DHRS7B: variants seen among roughly 807,000 people sequenced by gnomAD.
The protein encoded by DHRS7B is peroxisomal reductase activating PPAR-gamma.
DHRS7B carries 24 observed loss-of-function variants against 26.4 expected under a neutral mutation model. The ratio of observed to expected loss-of-function variants is 0.91; its 90% CI spans 0.66 to 1.28. DHRS7B has a LOEUF of 1.28. Ranked by LOEUF, DHRS7B falls within the 50% of genes most tolerant of loss-of-function variation. The pLI is 0.00. For synonymous variants in DHRS7B, 142 were observed against 166.4 expected, an observed-to-expected ratio of 0.85 and a Z score of 1.13; for missense variants, 368 against 419.4, an observed-to-expected ratio of 0.88 and a Z score of 1.07.
At chr17:21,184,884 A>C (rs1170726232) in intron 5 of DHRS7B, among the ~76,000 whole-genome samples, 4 of 152,192 alleles carry the variant, frequency 2.6e-5, no homozygotes, top group Admixed American at 2.6e-4. Flanking sequence ...TTCTACGTAT[A>C]ATTCAAACAT....
In DHRS7B at chr17:21,171,057, C is replaced by G. The variant is rs570837679; in HGVS notation, c.21-961C>G. On this transcript the variant is annotated intron_variant, in intron 1 of 6. Coordinates refer to ENST00000395511, the MANE Select transcript of DHRS7B (RefSeq NM_015510.5). ...GCCCTGGAGGTGGACTCGGGGGGGG[C>G]CTTTTGTCTCATAGACTCTGGCTCG... 6.7e-3 allele frequency among the ~76,000 whole-genome samples: 1,012 copies of G among 152,014 alleles called. 7 individuals are homozygous for G. Among genetic ancestry groups the G allele is most frequent in the South Asian group, 0.028 (132 of 4,788 alleles).
At chr17:21,130,291 G>T (rs1231763670) in intron 1 of DHRS7B, among the ~76,000 whole-genome samples, 1 of 152,146 alleles carries the variant, frequency 6.6e-6, no homozygotes, top group African/African-American at 2.4e-5. Context: ...TCAGGAGGCT[G>T]AGGCAGGAGA....
intron 1 of DHRS7B, among the ~76,000 whole-genome samples, chr17:21,137,285 T>C (rs146802898): frequency 1.5e-4 from 23 of 149,524 alleles, no homozygotes; most frequent in Non-Finnish European, 3.0e-4. Flanking sequence ...TGCCCATTTT[T>C]CTTTTTTGTC....
intron 5 of DHRS7B, among the ~76,000 whole-genome samples, 167 bp downstream of exon 5, chr17:21,184,630 C>G (rs1974590847): frequency 6.6e-6 from 1 of 152,194 alleles, no homozygotes; most frequent in African/African-American, 2.4e-5. Flanking sequence ...GATCAAATCC[C>G]AGCTCTACTT....
At chr17:21,141,640 A>AAAAAAAACAAAAAAG in intron 1 of DHRS7B, among the ~76,000 whole-genome samples, 1 of 90,078 alleles carries the variant, frequency 1.1e-5, no homozygotes, top group Non-Finnish European at 2.1e-5. Flanking sequence ...AAAAAAAAAA[A>AAAAAAAACAAAAAAG]CAACCTCATC....
chr17:21,190,561 G>T (rs1974753278), intron 6 of DHRS7B, among the ~76,000 whole-genome samples: 1 of 152,188 alleles, frequency 6.6e-6, no homozygotes, highest in South Asian at 2.1e-4. Context: ...CGTTTCCCAG[G>T]TCAGGAAGCT....
At chr17:21,138,929 AT>A (rs1402042153) in intron 1 of DHRS7B, among the ~76,000 whole-genome samples, 1 of 152,160 alleles carries the variant, frequency 6.6e-6, no homozygotes, top group African/African-American at 2.4e-5. Context: ...TAATTATTTT[AT>A]TTGTTTACGT....
chr17:21,186,149 G>A (rs1408602848), intron 5 of DHRS7B, among the ~76,000 whole-genome samples: 1 of 152,240 alleles, frequency 6.6e-6, no homozygotes. Context: ...TCTTGGGCAA[G>A]TTGGTTAACT....
chr17:21,135,871 C>T (rs184326911), intron 1 of DHRS7B, among the ~76,000 whole-genome samples: 13 of 152,268 alleles, frequency 8.5e-5, no homozygotes, highest in Admixed American at 6.5e-4. Flanking sequence ...CCACCTCTTC[C>T]ACAATAGTCC....
At chr17:21,177,296 G>A (rs946491159) in intron 2 of DHRS7B, among the ~76,000 whole-genome samples, 1 of 152,336 alleles carries the variant, frequency 6.6e-6, no homozygotes, top group South Asian at 2.1e-4. Context: ...CCTAGGTTTC[G>A]GCCATCCGGC....
chr17:21,150,694 GC>G (rs1973751096), intron 1 of DHRS7B, among the ~76,000 whole-genome samples: 1 of 152,162 alleles, frequency 6.6e-6, no homozygotes, highest in African/African-American at 2.4e-5. Flanking sequence ...CATGCCGAGA[GC>G]TATAATAAAA....
chr17:21,183,046 TA>T (rs1261764047), intron 3 of DHRS7B, among the ~76,000 whole-genome samples: 4 of 152,242 alleles, frequency 2.6e-5, no homozygotes, highest in African/African-American at 9.6e-5. Context: ...GGTTTTTGAT[TA>T]CTGATCCAAT....
At chr17:21,127,013 A>G (rs755890301) in intron 1 of DHRS7B, 22 bp downstream of exon 1, 1 of 1,511,806 alleles carries the variant, frequency 6.6e-7, no homozygotes, top group Non-Finnish European at 8.8e-7. Flanking sequence ...GGAAGAAGGA[A>G]CCTCCGAGAT....
rs543711360 is a variant in DHRS7B, at chr17:21,130,259, G to A, written c.20+3268G>A. 9.5e-4 allele frequency among the ~76,000 whole-genome samples: 144 copies of A among 152,232 alleles called. 1 individual carries two copies. Among genetic ancestry groups the A allele is most frequent in the Middle Eastern group, 3.4e-3 (1 of 294 alleles). ...TAAAAATACAAAAATGTGTGGTGGCGTGTGCCTGTAATCCCAGCTACTCAG... is the reference window on the plus strand; with the variant it reads ...TAAAAATACAAAAATGTGTGGTGGCATGTGCCTGTAATCCCAGCTACTCAG... On this transcript the variant is annotated intron_variant, in intron 1 of 6. Transcript: ENST00000395511.
At chr17:21,138,866 T>C (rs1973427149) in intron 1 of DHRS7B, among the ~76,000 whole-genome samples, 1 of 152,178 alleles carries the variant, frequency 6.6e-6, no homozygotes, top group Non-Finnish European at 1.5e-5. Context: ...TATAACTTTA[T>C]ATTCTAAATT....
At chr17:21,183,987 C>T (rs540122032) in intron 4 of DHRS7B, among the ~76,000 whole-genome samples, 177 bp downstream of exon 4, 1 of 152,312 alleles carries the variant, frequency 6.6e-6, no homozygotes, top group East Asian at 1.9e-4. Context: ...TCAAGATGTT[C>T]TCTTTAGTGA....
At position 21,178,246 on chromosome 17, in the gene DHRS7B, C is replaced by T. The variant is rs771972829; in HGVS notation, c.213C>T (p.Val71=). Residue 71 remains valine, a synonymous_variant, in exon 3 of 7, where the codon GTC becomes GTT. Transcript: ENST00000395511. The part of the protein sequence containing the change: ...TSGLGKECAK[V]FYAAGAKLVL... ...CTCTTCCCTTAGAATGTGCAAAAGT[C>T]TTCTATGCTGCGGGTGCTAAACTGG... 5 of 1,614,260 alleles carry T rather than the reference C, an allele frequency of 3.1e-6. No homozygotes were observed. Among genetic ancestry groups the T allele is most frequent in the Non-Finnish European group, 4.2e-6 (5 of 1,180,038 alleles).
At chr17:21,180,402 G>T (rs1392207522) in intron 3 of DHRS7B, among the ~76,000 whole-genome samples, 1 of 152,094 alleles carries the variant, frequency 6.6e-6, no homozygotes, top group Non-Finnish European at 1.5e-5. Context: ...CTTACATTTA[G>T]GTGATTGATC....
chr17:21,166,333 C>A (rs1974112601), intron 1 of DHRS7B: 1 of 985,294 alleles, frequency 1.0e-6, no homozygotes. Flanking sequence ...AAATACACCC[C>A]ACAGGCCACT....
Sources: gnomAD v4.1 joint callset for allele counts (sites outside exome capture counted in the v4.1 genomes callset) on GRCh38, gnomAD v4.1.1 for gene constraint, MANE v1.5 for transcripts, NCBI Gene and HGNC (gene_info 2026-07-23, HGNC 2026-07-21) for gene names.